The following WSCD1 variants were observed in gnomAD, a reference collection of about 807,000 sequenced individuals.
WSCD1 encodes sialate:O-sulfotransferase 1.
In WSCD1, 41 loss-of-function variants were observed where a neutral mutation model predicts 60.4. That is an observed-to-expected ratio of 0.68 (90% CI 0.53 to 0.88). The LOEUF is 0.88. WSCD1 is among the 40% of genes least tolerant of loss of function. WSCD1 has a pLI of 0.00. For missense variants in WSCD1, 784 were observed against 796.2 expected, an observed-to-expected ratio of 0.98 and a Z score of 0.18; for synonymous variants, 361 against 332.5, an observed-to-expected ratio of 1.09 and a Z score of -0.93.
Position 6,080,404 on chromosome 17 carries a change from C to A in WSCD1, c.-255C>A. 1 of 524,824 alleles carries A rather than the reference C, an allele frequency of 1.9e-6. No individual in the cohort carries two copies. The highest frequency in any genetic ancestry group is 3.3e-6 in the Non-Finnish European group (1 of 299,548). The allele number at this position is 524,824 out of a possible 1,614,324, so 32.5% of individuals were successfully genotyped here. On this transcript the variant is annotated 5_prime_UTR_variant, in exon 2 of 9. Transcript: ENST00000317744. This position sits in a 1 kb window ranked among gnomAD's most constrained non-coding sequence, Gnocchi z 6.6. The stretch of plus-strand genomic sequence containing the variant: ...GCCAGGAGATGAGGGGCGGTAGAGC[C>A]CTGGAATGGAGATGTCCTTGACGCC...
At chr17:6,088,519 C>T (rs527686526) in intron 3 of WSCD1, among the ~76,000 whole-genome samples, 36 of 152,216 alleles carry the variant, frequency 2.4e-4, no homozygotes, top group Non-Finnish European at 1.6e-4. Context: ...ACTGAGATTT[C>T]TCTGAGAGGA....
intron 3 of WSCD1, among the ~76,000 whole-genome samples, 188 bp downstream of exon 3, chr17:6,088,292 G>A (rs187265228): frequency 3.3e-5 from 5 of 152,188 alleles, no homozygotes; most frequent in South Asian, 2.1e-4. Flanking sequence ...GCTGGGTGCT[G>A]GGTGATGGCC....
chr17:6,093,760 C>T, intron 4 of WSCD1, among the ~76,000 whole-genome samples: 1 of 152,206 alleles, frequency 6.6e-6, no homozygotes, highest in Non-Finnish European at 1.5e-5. Flanking sequence ...ACCCTAGGAA[C>T]TACGCTGTAT....
intron 8 of WSCD1, among the ~76,000 whole-genome samples, chr17:6,119,763 A>G (rs1453244764): frequency 6.6e-6 from 1 of 152,198 alleles, no homozygotes; most frequent in Admixed American, 6.5e-5. Context: ...TGTGAAGATT[A>G]GAGAAAGCAA....
chr17:6,107,656 T>G (rs1401274449), intron 5 of WSCD1, among the ~76,000 whole-genome samples: 1 of 152,152 alleles, frequency 6.6e-6, no homozygotes, highest in Non-Finnish European at 1.5e-5. Flanking sequence ...GGCCGCCGTG[T>G]GCCGTGGACA....
chr17:6,089,725 C>T (rs997564712), intron 3 of WSCD1, among the ~76,000 whole-genome samples: 2 of 152,164 alleles, frequency 1.3e-5, no homozygotes, highest in Non-Finnish European at 2.9e-5. Flanking sequence ...CTCTCCCTGT[C>T]GCATACTGAG....
chr17:6,089,287 A>G (rs971829748), intron 3 of WSCD1, among the ~76,000 whole-genome samples: 2 of 152,188 alleles, frequency 1.3e-5, no homozygotes, highest in Non-Finnish European at 2.9e-5. Context: ...AGACTCAGAG[A>G]TGGTAAGTCA....
rs986807627 is a variant in WSCD1, at chr17:6,118,461, C to A, written c.1375+273C>A. Among the ~76,000 whole-genome samples the A allele has an allele frequency of 1.3e-5, 2 of 152,194 alleles. No homozygotes were observed. The highest frequency in any genetic ancestry group is 2.9e-5 in the Non-Finnish European group (2 of 68,026). ...GATTACCAAGAATCTTCTCTGCCTC[C>A]ATGAGTGCATAGTGGGGTGATATGC... On this transcript the variant is annotated intron_variant, in intron 8 of 8. Coordinates refer to ENST00000317744, the MANE Select transcript of WSCD1 (RefSeq NM_015253.2). The surrounding 1 kb of genome is among the most constrained non-coding windows in gnomAD (Gnocchi z 5.8).
intron 5 of WSCD1, among the ~76,000 whole-genome samples, chr17:6,098,418 G>A (rs1185892964): frequency 4.6e-5 from 7 of 152,194 alleles, no homozygotes; most frequent in Non-Finnish European, 1.5e-5. Flanking sequence ...GAAGATACAC[G>A]CAGGCTCTTG....
At position 6,075,289 on chromosome 17, in the gene WSCD1, G is replaced by A. The variant is rs372921574; in HGVS notation, c.-289+4637G>A. ...CTGCCTCTGCCTGTTCTCTCTGACC[G>A]GGGGTCACGGGGAGGTTGAGTCATC... On this transcript the variant is annotated intron_variant, in intron 1 of 8. Transcript: ENST00000317744. The surrounding 1 kb of genome is among the most constrained non-coding windows in gnomAD (Gnocchi z 4.1). 9.9e-5 allele frequency among the ~76,000 whole-genome samples: 15 copies of A among 152,230 alleles called. No individual in the cohort carries two copies. The East Asian group carries it at 1.5e-3, about 16-fold the overall frequency.
chr17:6,118,244 C>T lies in WSCD1; in HGVS notation c.1375+56C>T. On this transcript the variant is annotated intron_variant, in intron 8 of 8. Transcript: ENST00000317744. This position sits in a 1 kb window ranked among gnomAD's most constrained non-coding sequence, Gnocchi z 5.8. ...GGCTTGTCAGTACAGGTAGGTTGCTCATCAGGATGCAGGATCAATTTACAC... is the reference window on the plus strand; with the variant it reads ...GGCTTGTCAGTACAGGTAGGTTGCTTATCAGGATGCAGGATCAATTTACAC... 1.3e-6 allele frequency: 2 copies of T among 1,567,602 alleles called. No individual in the cohort carries two copies. The highest frequency in any genetic ancestry group is 1.7e-6 in the Non-Finnish European group (2 of 1,150,196).
At chr17:6,087,940 G>T (rs370152928) in intron 2 of WSCD1, 50 bp from the exon 3 acceptor site, 6 of 1,476,990 alleles carry the variant, frequency 4.1e-6, no homozygotes, top group Non-Finnish European at 5.7e-6. Context: ...CCTAAGGGTG[G>T]GCCCATGATT....
chr17:6,107,253 C>A (rs1007809492), intron 5 of WSCD1, among the ~76,000 whole-genome samples: 2 of 152,148 alleles, frequency 1.3e-5, no homozygotes, highest in African/African-American at 4.8e-5. Context: ...GTAATCCCAG[C>A]ACTTTGGGAG....
chr17:6,104,052 A>C (rs1457317772), intron 5 of WSCD1, among the ~76,000 whole-genome samples: 1 of 152,212 alleles, frequency 6.6e-6, no homozygotes, highest in Non-Finnish European at 1.5e-5. Flanking sequence ...TGGCCCTAGC[A>C]TCTGCTTCCG....
At chr17:6,092,095 A>C (rs540960382) in intron 4 of WSCD1, among the ~76,000 whole-genome samples, 4 of 147,854 alleles carry the variant, frequency 2.7e-5, no homozygotes, top group Admixed American at 1.4e-4. Context: ...CGGAGGTTGC[A>C]GTGAGCCAAA....
chr17:6,080,704 C>T lies in WSCD1; in HGVS notation c.46C>T (p.Gln16Ter). The T allele has an allele frequency of 3.7e-6, 6 of 1,613,666 alleles. No homozygotes were observed. Among genetic ancestry groups the T allele is most frequent in the Non-Finnish European group, 5.1e-6 (6 of 1,179,932 alleles). Residue 16 changes from glutamine (Q) to a stop codon, truncating the protein, a stop_gained, in exon 2 of 9, where the codon CAG becomes TAG. Coordinates refer to ENST00000317744, the MANE Select transcript of WSCD1 (RefSeq NM_015253.2). LOFTEE classifies it high-confidence loss of function. The surrounding 1 kb of genome is among the most constrained non-coding windows in gnomAD (Gnocchi z 6.6). ...FRLQKFLRRT[Q>*]FLLFFLTAAY... ...ACTCCAGAAGTTTCTCCGCCGAACA[C>T]AGTTCCTGCTGTTCTTCCTCACGGC...
Position 6,120,829 on chromosome 17 carries a change from A to T in WSCD1, c.*168A>T. The T allele has an allele frequency of 4.4e-6, 3 of 689,002 alleles. No homozygotes were observed. In the East Asian group the frequency reaches 8.2e-5, roughly 19 times the overall value. The allele number at this position is 689,002 out of a possible 1,614,324, so 42.7% of individuals were successfully genotyped here. On this transcript the variant is annotated 3_prime_UTR_variant, in exon 9 of 9. Coordinates refer to ENST00000317744, the MANE Select transcript of WSCD1 (RefSeq NM_015253.2). ...GGAGACCTGGACACAACAGACACAC[A>T]TCACAAGGCGAACACAAATGGACAC...
rs772153163 is a variant in WSCD1 at position 6,080,657 on chromosome 17, G to A, written c.-2G>A. ...CAGCCAGGAGCCCTGCTGCCCAGGG[G>A]CATGGCCAAACCTTTCTTCCGACTC... On this transcript the variant is annotated 5_prime_UTR_variant, in exon 2 of 9. Transcript: ENST00000317744. This position sits in a 1 kb window ranked among gnomAD's most constrained non-coding sequence, Gnocchi z 6.6. 1 of 1,613,436 alleles carries A rather than the reference G, an allele frequency of 6.2e-7. No individual in the cohort carries two copies.
At position 6,070,661 on chromosome 17, in the gene WSCD1, T is replaced by A. The variant is rs2150522216; in HGVS notation, c.-289+9T>A. On this transcript the variant is annotated intron_variant, in intron 1 of 8. Coordinates refer to ENST00000317744, the MANE Select transcript of WSCD1 (RefSeq NM_015253.2). The stretch of plus-strand genomic sequence containing the variant: ...CCGGCCGCGATCGCGGGGTGAGTCC[T>A]GTCTCTCGGCGCTCCAGCCGGACCC... 1 of 150,174 alleles carries A rather than the reference T, an allele frequency of 6.7e-6. No individual in the cohort carries two copies. The highest frequency in any genetic ancestry group is 2.1e-4 in the South Asian group (1 of 4,794). 9.3% of individuals were successfully genotyped at this position (150,174 alleles called of 1,614,324 possible).
Sources: gnomAD v4.1 joint callset for allele counts (sites outside exome capture counted in the v4.1 genomes callset) on GRCh38, gnomAD v4.1.1 for gene constraint, Gnocchi (gnomAD v3.1) non-coding constraint, MANE v1.5 for transcripts, NCBI Gene and HGNC (gene_info 2026-07-23, HGNC 2026-07-21) for gene names.